Variants in MACROD2 observed in about 807,000 individuals in gnomAD.
MACROD2 encodes the protein mono-ADP ribosylhydrolase 2, also known as ADP-ribose glycohydrolase MACROD2.
In MACROD2, 36 loss-of-function variants were observed where a neutral mutation model predicts 70.4. The ratio of observed to expected loss-of-function variants is 0.51; its 90% CI spans 0.39 to 0.68. MACROD2 has a LOEUF of 0.68. Among genes scored for constraint, MACROD2 ranks in the 30% least tolerant of loss-of-function variants. The probability of loss-of-function intolerance (pLI) is 0.00; values close to 1 mark genes in which losing one functional copy is unlikely to be tolerated. For missense variants in MACROD2, 496 were observed against 538.4 expected (o/e 0.92, Z 0.78); for synonymous variants, 172 against 178.8 (o/e 0.96, Z 0.30).
intron 3 of MACROD2, among the ~76,000 whole-genome samples, chr20:14,126,628 T>C (rs2054654416): frequency 6.6e-6 from 1 of 152,224 alleles, no homozygotes; most frequent in Non-Finnish European, 1.5e-5. Context: ...TGTCAAATTT[T>C]GGTAATTGTA....
chr20:14,912,516 A>G (rs1276928105), intron 5 of MACROD2, among the ~76,000 whole-genome samples: 2 of 152,090 alleles, frequency 1.3e-5, no homozygotes, highest in Non-Finnish European at 2.9e-5. Context: ...CTTCAAGGGA[A>G]TTTTCTAGTA....
chr20:15,908,655 C>A (rs1389808464), intron 10 of MACROD2, among the ~76,000 whole-genome samples: 1 of 152,146 alleles, frequency 6.6e-6, no homozygotes, highest in Non-Finnish European at 1.5e-5. Flanking sequence ...TGGACTCTTA[C>A]CTTTCTTTTA....
chr20:14,911,631 C>G (rs1413586963), intron 5 of MACROD2, among the ~76,000 whole-genome samples: 3 of 151,974 alleles, frequency 2.0e-5, no homozygotes, highest in African/African-American at 7.2e-5. Context: ...CCTCAGCTTC[C>G]CAAAATGCTG....
chr20:14,835,847 C>T (rs2073023429), intron 5 of MACROD2, among the ~76,000 whole-genome samples: 1 of 151,996 alleles, frequency 6.6e-6, no homozygotes. Flanking sequence ...GCCTTAGTAT[C>T]CATTAGGGCT....
chr20:16,007,983 T>C (rs1342558199), intron 15 of MACROD2, among the ~76,000 whole-genome samples: 1 of 152,224 alleles, frequency 6.6e-6, no homozygotes, highest in African/African-American at 2.4e-5. Context: ...GCCTTGATGA[T>C]TTCCTTCCCA....
intron 2 of MACROD2, among the ~76,000 whole-genome samples, chr20:14,016,260 G>A (rs531932037): frequency 6.6e-6 from 1 of 152,270 alleles, no homozygotes; most frequent in East Asian, 1.9e-4. Flanking sequence ...TTTGTCCATT[G>A]TTGAGTTGGA....
At chr20:15,808,523 A>G (rs2063789710) in intron 8 of MACROD2, among the ~76,000 whole-genome samples, 1 of 152,220 alleles carries the variant, frequency 6.6e-6, no homozygotes, top group South Asian at 2.1e-4. Context: ...ATAAATTATG[A>G]AAATTCATAT....
At chr20:14,278,265 A>G (rs2082275877) in intron 3 of MACROD2, among the ~76,000 whole-genome samples, 1 of 152,250 alleles carries the variant, frequency 6.6e-6, no homozygotes, top group African/African-American at 2.4e-5. Flanking sequence ...TTTCAAAGGT[A>G]TTCAGATACA....
intron 3 of MACROD2, among the ~76,000 whole-genome samples, chr20:14,275,772 A>C (rs1423029182): frequency 6.6e-6 from 1 of 152,102 alleles, no homozygotes; most frequent in African/African-American, 2.4e-5. Flanking sequence ...AATGAACTCA[A>C]ACAAATTTAC....
intron 5 of MACROD2, among the ~76,000 whole-genome samples, chr20:14,945,962 C>G (rs1040855815): frequency 6.6e-6 from 1 of 152,116 alleles, no homozygotes; most frequent in Non-Finnish European, 1.5e-5. Context: ...AATCCTAGCA[C>G]TTTGGGAGGC....
intron 8 of MACROD2, among the ~76,000 whole-genome samples, chr20:15,540,215 G>A (rs1165003705): frequency 6.6e-6 from 1 of 152,172 alleles, no homozygotes; most frequent in African/African-American, 2.4e-5. Context: ...GTAGGATGGT[G>A]GGTTGCATAA....
In MACROD2 at chr20:15,071,227, C is replaced by A. The variant is rs1051055856; in HGVS notation, c.419-158713C>A. The stretch of plus-strand genomic sequence containing the variant: ...ATAAAAAGAATAGAAACATTTAGGC[C>A]ATTCGTGTGTTGTTAAAGCAAGTTG... On this transcript the variant is annotated intron_variant, in intron 5 of 17. Coordinates refer to ENST00000684519, the MANE Select transcript of MACROD2 (RefSeq NM_001351661.2). Among the ~76,000 whole-genome samples, 8 of 152,136 alleles carry A rather than the reference C, an allele frequency of 5.3e-5. 1 individual carries two copies.
At chr20:14,138,825 C>T (rs1001666594) in intron 3 of MACROD2, among the ~76,000 whole-genome samples, 3 of 150,380 alleles carry the variant, frequency 2.0e-5, no homozygotes, top group South Asian at 2.1e-4. Context: ...TGTGAGATTA[C>T]GGATGTGCTA....
intron 17 of MACROD2, 108 bp downstream of exon 17, chr20:16,044,747 C>A: frequency 3.1e-6 from 3 of 959,588 alleles, no homozygotes; most frequent in Non-Finnish European, 5.0e-6. Flanking sequence ...CACAGCATGG[C>A]TTGGGATAAA....
intron 5 of MACROD2, among the ~76,000 whole-genome samples, chr20:14,851,162 T>C (rs1485804359): frequency 6.6e-6 from 1 of 152,142 alleles, no homozygotes; most frequent in Non-Finnish European, 1.5e-5. Context: ...TTACCTTTTA[T>C]GAATTATTTT....
intron 6 of MACROD2, among the ~76,000 whole-genome samples, chr20:15,298,030 C>T (rs1412168034): frequency 6.6e-6 from 1 of 152,174 alleles, no homozygotes; most frequent in African/African-American, 2.4e-5. Flanking sequence ...TCAATTTTTT[C>T]ATGACAAGTG....
At chr20:14,761,315 G>A (rs1468269465) in intron 5 of MACROD2, among the ~76,000 whole-genome samples, 2 of 152,030 alleles carry the variant, frequency 1.3e-5, no homozygotes, top group Admixed American at 1.3e-4. Flanking sequence ...CTGAGGACTG[G>A]CTTTCTTTCT....
intron 5 of MACROD2, among the ~76,000 whole-genome samples, chr20:15,022,541 C>G (rs929265335): frequency 3.9e-5 from 6 of 152,180 alleles, no homozygotes; most frequent in Non-Finnish European, 7.4e-5. Context: ...CACTTGTATT[C>G]ATGTGACAGT....
At position 15,304,358 on chromosome 20, in the gene MACROD2, T is replaced by C. The variant is rs897091335; in HGVS notation, c.540+74297T>C. 3.3e-5 allele frequency among the ~76,000 whole-genome samples: 5 copies of C among 152,280 alleles called. No homozygotes were observed. In the East Asian group the frequency reaches 9.6e-4, roughly 29 times the overall value. On this transcript the variant is annotated intron_variant, in intron 6 of 17. Transcript: ENST00000684519. ...TCCCATACAGTAGTAAGTGAACACATGTTTTATAAGTTGGTCAACATTTAC... is the reference window on the plus strand; with the variant it reads ...TCCCATACAGTAGTAAGTGAACACACGTTTTATAAGTTGGTCAACATTTAC...
Sources: gnomAD v4.1 joint callset for allele counts (sites outside exome capture counted in the v4.1 genomes callset) on GRCh38, gnomAD v4.1.1 for gene constraint, MANE v1.5 for transcripts, NCBI Gene and HGNC (gene_info 2026-07-23, HGNC 2026-07-21) for gene names.